Variants in CNGB3 observed in about 807,000 individuals in gnomAD.
CNGB3 encodes the protein cyclic nucleotide-gated channel beta-3.
A neutral mutation model predicts 92.8 loss-of-function variants in CNGB3; 86 were observed. The observed-to-expected ratio is 0.93, with a 90% CI of 0.78 to 1.11. CNGB3 has a LOEUF of 1.11. Ranked by LOEUF, CNGB3 falls within the 50% of genes least tolerant of loss-of-function variation. The pLI is 0.00. For missense variants in CNGB3, 1,026 were observed against 956.8 expected, an observed-to-expected ratio of 1.07 and a Z score of -0.95; for synonymous variants, 333 against 332.7, an observed-to-expected ratio of 1.00 and a Z score of -0.01.
chr8:86,659,417 A>C (rs1050166783), intron 6 of CNGB3: 6 of 692,704 alleles, frequency 8.7e-6, no homozygotes, highest in Admixed American at 2.1e-5. Context: ...CTTCTTTTGC[A>C]GATCCTCCAA....
At chr8:86,742,176 G>T (rs1825354721) in intron 1 of CNGB3, among the ~76,000 whole-genome samples, 1 of 152,146 alleles carries the variant, frequency 6.6e-6, no homozygotes, top group Admixed American at 6.5e-5. Flanking sequence ...CGGTTTTTAT[G>T]TGCTCCCTTG....
intron 2 of CNGB3, 88 bp downstream of exon 2, chr8:86,739,567 A>C: frequency 6.4e-7 from 1 of 1,571,682 alleles, no homozygotes; most frequent in South Asian, 1.2e-5. Context: ...CTAGTCAAGG[A>C]CAAATATTTC....
Position 86,575,069 on chromosome 8 carries a change from T to G in CNGB3, c.*735A>C, listed in dbSNP as rs73269601. The G allele has an allele frequency of 2.0e-5, 3 of 152,152 alleles. No individual in the cohort carries two copies. Among genetic ancestry groups the G allele is most frequent in the Admixed American group, 6.5e-5 (1 of 15,286 alleles). The allele number at this position is 152,152 out of a possible 1,614,324, so 9.4% of individuals were successfully genotyped here. A position where few individuals can be genotyped will look rare whatever the true frequency, so the allele number is the denominator to read the frequency against. On this transcript the variant is annotated 3_prime_UTR_variant, in exon 18 of 18. Transcript: ENST00000320005. ...CTTGAGCCAGATGAGTTAGGTAGAT[T>G]GGTGTCTTTTAAGTTGGTTAGAAGA...
At chr8:86,692,582 C>CT (rs1216652923) in intron 3 of CNGB3, among the ~76,000 whole-genome samples, 2 of 152,094 alleles carry the variant, frequency 1.3e-5, no homozygotes, top group Non-Finnish European at 2.9e-5. Flanking sequence ...CATGGAATGT[C>CT]TTTTTTCACC....
intron 15 of CNGB3, among the ~76,000 whole-genome samples, chr8:86,580,406 C>T (rs931831848): frequency 6.6e-6 from 1 of 152,212 alleles, no homozygotes; most frequent in African/African-American, 2.4e-5. Context: ...CTGTTTCCCA[C>T]CTGGGCTCTG....
chr8:86,615,734 A>G (rs1822607746), intron 13 of CNGB3, among the ~76,000 whole-genome samples: 1 of 152,160 alleles, frequency 6.6e-6, no homozygotes, highest in Non-Finnish European at 1.5e-5. Flanking sequence ...TCCACCTACA[A>G]AAATCTAAAC....
intron 2 of CNGB3, among the ~76,000 whole-genome samples, chr8:86,733,504 T>G (rs778621274): frequency 1.7e-4 from 26 of 152,230 alleles, no homozygotes; most frequent in Admixed American, 6.5e-5. Flanking sequence ...TGTTTTAAGT[T>G]CTTTGAGAAA....
chr8:86,605,139 C>G (rs527630179), intron 14 of CNGB3, among the ~76,000 whole-genome samples: 150 of 152,174 alleles, frequency 9.9e-4, no homozygotes, highest in African/African-American at 3.4e-3. Context: ...CTCGTGTTTG[C>G]CCATGTATAT....
intron 3 of CNGB3, among the ~76,000 whole-genome samples, chr8:86,720,639 A>T (rs1824947574): frequency 6.6e-6 from 1 of 152,148 alleles, no homozygotes; most frequent in African/African-American, 2.4e-5. Flanking sequence ...CAGCAATCCC[A>T]CTACTAGGTA....
At chr8:86,583,921 C>CAAA (rs71574285) in intron 15 of CNGB3, among the ~76,000 whole-genome samples, 18,919 of 60,660 alleles carry the variant, frequency 0.31, 3,803 homozygotes, top group Non-Finnish European at 0.39. Context: ...GACCTTGTCT[C>CAAA]AAAAAAAAAA....
intron 15 of CNGB3, 54 bp downstream of exon 15, chr8:86,604,037 CTT>C: frequency 8.4e-7 from 1 of 1,194,222 alleles, no homozygotes; most frequent in Non-Finnish European, 1.3e-6. Context: ...CTACCTAAGA[CTT>C]TTCTTTTATG....
rs1252983490 is a variant in CNGB3, at chr8:86,643,859, G to T, written c.1070C>A (p.Thr357Asn). 6.2e-7 allele frequency: 1 copy of T among 1,606,208 alleles called. No homozygotes were observed. Among genetic ancestry groups the T allele is most frequent in the Non-Finnish European group, 8.5e-7 (1 of 1,174,792 alleles). Residue 357 changes from threonine to asparagine, a missense_variant, in exon 10 of 18, where the codon ACT (threonine) becomes AAT (asparagine). Physicochemically the swap from Thr to Asn is moderately conservative, Grantham distance 65. Coordinates refer to ENST00000320005, the MANE Select transcript of CNGB3 (RefSeq NM_019098.5). ...KAYIYRVIRT[T>N]GYLLFILHIN... The stretch of plus-strand genomic sequence containing the variant: ...GTGCAGAATAAACAGCAAGTATCCA[G>T]TTGTTCGAATAACTCTGTCAGAGAG...
chr8:86,601,283 A>C (rs1317446534), intron 15 of CNGB3, among the ~76,000 whole-genome samples: 1 of 152,228 alleles, frequency 6.6e-6, no homozygotes, highest in Non-Finnish European at 1.5e-5. Context: ...TCAGTGAATA[A>C]GACTTGGGAC....
intron 14 of CNGB3, 30 bp from the exon 15 acceptor site, chr8:86,604,241 A>G: frequency 1.5e-6 from 2 of 1,355,410 alleles, no homozygotes; most frequent in South Asian, 2.3e-5. Context: ...AGGAAATGGT[A>G]GTTACTTTAT....
intron 3 of CNGB3, among the ~76,000 whole-genome samples, chr8:86,693,903 C>T (rs961716282): frequency 1.1e-4 from 16 of 152,314 alleles, no homozygotes; most frequent in African/African-American, 3.6e-4. Flanking sequence ...CCCTTCCCCC[C>T]CTCTCCATTC....
At chr8:86,668,607 T>C (rs1025307273) in intron 4 of CNGB3, among the ~76,000 whole-genome samples, 11 of 151,858 alleles carry the variant, frequency 7.2e-5, no homozygotes, top group African/African-American at 2.7e-4. Flanking sequence ...TCACTGTGTG[T>C]GTGTTTGTAT....
At position 86,720,740 on chromosome 8, in the gene CNGB3, A is replaced by G. The variant is rs567411158; in HGVS notation, c.338+5791T>C. Reference sequence around the variant, plus strand: ...CAATTTGCTGTTGCAAAAATATGGAACCAACCCAAATGCTTGTCAATCAAT... The same window carrying G: ...CAATTTGCTGTTGCAAAAATATGGAGCCAACCCAAATGCTTGTCAATCAAT... On this transcript the variant is annotated intron_variant, in intron 3 of 17. Coordinates refer to ENST00000320005, the MANE Select transcript of CNGB3 (RefSeq NM_019098.5). 5.9e-5 allele frequency among the ~76,000 whole-genome samples: 9 copies of G among 151,868 alleles called. No individual in the cohort carries two copies. In the East Asian group the frequency reaches 1.7e-3, roughly 29 times the overall value.
At chr8:86,665,399 C>T (rs1176228214) in intron 6 of CNGB3, among the ~76,000 whole-genome samples, 1 of 152,182 alleles carries the variant, frequency 6.6e-6, no homozygotes, top group East Asian at 1.9e-4. Context: ...CCATTTGACC[C>T]AGCAATCCCA....
chr8:86,713,439 T>C (rs1797457092), intron 3 of CNGB3, among the ~76,000 whole-genome samples: 1 of 152,202 alleles, frequency 6.6e-6, no homozygotes, highest in African/African-American at 2.4e-5. Flanking sequence ...ACTTTGGGCA[T>C]AGTATATAGT....
Sources: allele counts gnomAD v4.1 joint callset (sites outside exome capture counted in the v4.1 genomes callset), GRCh38; gene constraint gnomAD v4.1.1; transcripts MANE v1.5; gene names NCBI Gene and HGNC (gene_info 2026-07-23, HGNC 2026-07-21).